Variants in STIM2 observed in about 807,000 individuals in gnomAD.
STIM2 encodes the protein stromal interaction molecule 2.
A neutral mutation model predicts 85.8 loss-of-function variants in STIM2; 31 were observed. That is an observed-to-expected ratio of 0.36 (90% CI 0.27 to 0.49). The LOEUF is 0.49. Among genes scored for constraint, STIM2 ranks in the 20% least tolerant of loss-of-function variants. The pLI, the probability that STIM2 is intolerant of heterozygous loss-of-function variation, is 0.98. For missense variants in STIM2, 841 were observed against 927.6 expected, an observed-to-expected ratio of 0.91 and a Z score of 1.21; for synonymous variants, 356 against 331.1, an observed-to-expected ratio of 1.08 and a Z score of -0.82.
intron 2 of STIM2, among the ~76,000 whole-genome samples, chr4:26,930,827 A>T (rs2109074199): frequency 6.6e-6 from 1 of 152,308 alleles, no homozygotes; most frequent in Middle Eastern, 3.4e-3. Flanking sequence ...CTTTTAACTT[A>T]TGTGTTAGTT....
chr4:26,942,590 T>A (rs1725652556), intron 2 of STIM2, among the ~76,000 whole-genome samples: 1 of 152,186 alleles, frequency 6.6e-6, no homozygotes, highest in Non-Finnish European at 1.5e-5. Context: ...GATGTCCATG[T>A]GGCTATGCAG....
intron 1 of STIM2, among the ~76,000 whole-genome samples, chr4:26,907,400 A>G (rs1724171187): frequency 6.6e-6 from 1 of 152,176 alleles, no homozygotes; most frequent in African/African-American, 2.4e-5. Context: ...TTAAACTATT[A>G]AACAGATGCT....
intron 7 of STIM2, among the ~76,000 whole-genome samples, chr4:27,003,417 A>G (rs1269256422): frequency 6.6e-6 from 1 of 152,196 alleles, no homozygotes; most frequent in Non-Finnish European, 1.5e-5. Context: ...ATAATGTAGT[A>G]AGATATAAAG....
intron 1 of STIM2, among the ~76,000 whole-genome samples, chr4:26,905,663 T>A (rs750606022): frequency 2.6e-5 from 4 of 152,202 alleles, no homozygotes; most frequent in Non-Finnish European, 4.4e-5. Flanking sequence ...TGTAGCATAA[T>A]TAACATAGAA....
intron 1 of STIM2, among the ~76,000 whole-genome samples, chr4:26,892,528 T>G (rs1011829447): frequency 2.0e-4 from 31 of 151,900 alleles, no homozygotes; most frequent in Admixed American, 8.5e-4. Flanking sequence ...TGAATTTTTT[T>G]GGGGGGGGAC....
At chr4:26,964,797 A>T (rs140118990) in intron 3 of STIM2, among the ~76,000 whole-genome samples, 1 of 152,274 alleles carries the variant, frequency 6.6e-6, no homozygotes, top group African/African-American at 2.4e-5. Context: ...TAATTAAGGG[A>T]TGTGCTGTGA....
chr4:26,878,282 C>G (rs1024931749), intron 1 of STIM2, among the ~76,000 whole-genome samples: 4 of 152,024 alleles, frequency 2.6e-5, no homozygotes, highest in Non-Finnish European at 4.4e-5. Flanking sequence ...TTCGGTCGTC[C>G]CTTCTCCCCC....
chr4:26,910,748 T>C (rs1371804066), intron 1 of STIM2, among the ~76,000 whole-genome samples: 1 of 152,142 alleles, frequency 6.6e-6, no homozygotes, highest in Admixed American at 6.5e-5. Context: ...GTTGCTGAGG[T>C]AGAGGCATTA....
At chr4:27,017,684 G>C (rs1389286195) in intron 10 of STIM2, 27 bp from the exon 11 acceptor site, 1 of 1,611,252 alleles carries the variant, frequency 6.2e-7, no homozygotes. Flanking sequence ...GACTTCATGA[G>C]CATGTTTCTT....
At chr4:26,873,895 G>T in intron 1 of STIM2, 2 of 1,360,486 alleles carry the variant, frequency 1.5e-6, no homozygotes, top group Non-Finnish European at 1.0e-6. Flanking sequence ...TCTCCCAGGG[G>T]TCTGCGGCTG....
Position 26,873,901 on chromosome 4 carries a change from G to A in STIM2, c.151+12532G>A, listed in dbSNP as rs1447480482. On this transcript the variant is annotated intron_variant, in intron 1 of 11. Transcript: ENST00000467087. ...GATGCTCCTTCTCCCAGGGGTCTGC[G>A]GCTGAGTGGACAGGGGCGCCTCCAG... is the stretch of plus-strand genomic sequence containing the variant. 7 of 1,374,102 alleles carry A rather than the reference G, an allele frequency of 5.1e-6. No homozygotes were observed. In the African/African-American group the frequency reaches 5.7e-5, roughly 11 times the overall value. The allele number at this position is 1,374,102 out of a possible 1,614,324, so 85.1% of individuals were successfully genotyped here.
At chr4:27,012,446 T>A (rs991162229) in intron 10 of STIM2, among the ~76,000 whole-genome samples, 22 of 33,620 alleles carry the variant, frequency 6.5e-4, no homozygotes, top group African/African-American at 7.7e-4. Context: ...TTGCTTTTTT[T>A]AAAAAAAGAT....
At chr4:26,916,729 T>G (rs7688788) in intron 1 of STIM2, among the ~76,000 whole-genome samples, 131,622 of 151,826 alleles carry the variant, frequency 0.87, 57,581 homozygotes, top group Middle Eastern at 0.98. Context: ...GCATTTTTCT[T>G]AATGTTTTAT....
intron 3 of STIM2, among the ~76,000 whole-genome samples, chr4:26,974,080 T>C (rs1727084730): frequency 6.6e-6 from 1 of 152,198 alleles, no homozygotes; most frequent in Non-Finnish European, 1.5e-5. Flanking sequence ...TGCTTTCCAT[T>C]TGCTCAGTGG....
chr4:27,008,440 A>G lies in STIM2; in HGVS notation c.1162A>G (p.Lys388Glu). 1 of 1,583,152 alleles carries G rather than the reference A, an allele frequency of 6.3e-7. No individual in the cohort carries two copies. The highest frequency in any genetic ancestry group is 2.3e-5 in the East Asian group (1 of 43,974). Residue 388 changes from lysine (K) to glutamate (E), a missense_variant, in exon 9 of 12, where the codon AAA becomes GAA. By Grantham distance (56) the Lys-to-Glu change is moderately conservative. Around this residue, in one of 3 missense-constraint regions of STIM2, gnomAD observed 408 missense variants for 525.4 expected, o/e 0.78. Transcript: ENST00000467087. Reference sequence around the variant, plus strand: ...TTTCGGTTTCTAGGCAGAAAAAATTAAAAAGAAGAGAAGCACAGTCTTTGG... The same window carrying G: ...TTTCGGTTTCTAGGCAGAAAAAATTGAAAAGAAGAGAAGCACAGTCTTTGG...
chr4:26,864,259 T>A (rs1722315929), intron 1 of STIM2, among the ~76,000 whole-genome samples: 1 of 152,080 alleles, frequency 6.6e-6, no homozygotes, highest in African/African-American at 2.4e-5. Flanking sequence ...ATACAGCGCT[T>A]ATATATTTAG....
At chr4:26,937,772 C>T (rs1375720758) in intron 2 of STIM2, among the ~76,000 whole-genome samples, 3 of 152,252 alleles carry the variant, frequency 2.0e-5, no homozygotes, top group Admixed American at 1.3e-4. Context: ...TTCAGTTGTA[C>T]TTACCTTTAT....
At chr4:26,979,647 A>C (rs952209902) in intron 3 of STIM2, among the ~76,000 whole-genome samples, 1 of 152,222 alleles carries the variant, frequency 6.6e-6, no homozygotes, top group African/African-American at 2.4e-5. Flanking sequence ...ATTTAAAGCA[A>C]ATATAATTAA....
intron 3 of STIM2, among the ~76,000 whole-genome samples, chr4:26,980,451 A>T (rs1727340973): frequency 6.6e-6 from 1 of 152,102 alleles, no homozygotes; most frequent in African/African-American, 2.4e-5. Context: ...TCATTGGCAT[A>T]ACTAGGAGCC....
Sources: gnomAD v4.1 joint callset for allele counts (sites outside exome capture counted in the v4.1 genomes callset) on GRCh38, gnomAD v4.1.1 for gene constraint, gnomAD v4.1.1 regional missense constraint, MANE v1.5 for transcripts, NCBI Gene and HGNC (gene_info 2026-07-23, HGNC 2026-07-21) for gene names.